MEP1A: variants seen among roughly 807,000 people sequenced by gnomAD.
The protein encoded by MEP1A is meprin A subunit alpha.
In MEP1A, 68 loss-of-function variants were observed where a neutral mutation model predicts 84.5. That is an observed-to-expected ratio of 0.80 (90% CI 0.66 to 0.98). MEP1A has a LOEUF of 0.98. MEP1A is among the 50% of genes least tolerant of loss of function. The pLI, the probability that MEP1A is intolerant of heterozygous loss-of-function variation, is 0.00. For synonymous variants in MEP1A, 337 were observed against 336.8 expected (o/e 1.00, Z -0.01); for missense variants, 887 against 919.9 (o/e 0.96, Z 0.46).
At chr6:46,828,372 A>C (rs1038026127) in intron 9 of MEP1A, among the ~76,000 whole-genome samples, 1 of 152,018 alleles carries the variant, frequency 6.6e-6, no homozygotes, top group African/African-American at 2.4e-5. Flanking sequence ...TTGATATTTT[A>C]AGCTTGGTGG....
At chr6:46,797,778 TTCTTTCTTTCTTTC>T (rs1231869922) in intron 3 of MEP1A, among the ~76,000 whole-genome samples, 2 of 134,632 alleles carry the variant, frequency 1.5e-5, no homozygotes, top group East Asian at 2.1e-4. Flanking sequence ...TTCTTTTTCT[TTCTTTCTTTCTTTC>T]TCTTTCTTTC....
chr6:46,836,765 TG>T (rs2150758621), intron 13 of MEP1A, among the ~76,000 whole-genome samples: 1 of 151,710 alleles, frequency 6.6e-6, no homozygotes, highest in Non-Finnish European at 1.5e-5. Flanking sequence ...TTCATTACCT[TG>T]ACACTTTCGA....
chr6:46,797,708 G>A (rs2150738945), intron 3 of MEP1A, among the ~76,000 whole-genome samples: 1 of 152,216 alleles, frequency 6.6e-6, no homozygotes. Context: ...TGATTACATA[G>A]TACATCACTT....
intron 5 of MEP1A, among the ~76,000 whole-genome samples, chr6:46,807,004 G>A (rs753543269): frequency 2.2e-4 from 33 of 151,752 alleles, no homozygotes; most frequent in Non-Finnish European, 3.5e-4. Flanking sequence ...ATTTTTTCAA[G>A]TTTACAACTG....
intron 9 of MEP1A, among the ~76,000 whole-genome samples, chr6:46,827,858 G>A (rs1055617737): frequency 7.9e-5 from 12 of 152,266 alleles, no homozygotes; most frequent in South Asian, 6.2e-4. Flanking sequence ...TATTGTGAGC[G>A]GAATCTGCTG....
chr6:46,793,615 C>A (rs1443050276), intron 2 of MEP1A, 39 bp downstream of exon 2: 1 of 1,575,590 alleles, frequency 6.3e-7, no homozygotes, highest in Non-Finnish European at 8.7e-7. Flanking sequence ...TGTTTTTGAA[C>A]TTTTTTCCTT....
Position 46,839,267 on chromosome 6 carries a change from T to C in MEP1A, c.*131T>C, listed in dbSNP as rs983337693. ...CCAAGGACTAAGGCCTCCAGCCCCA[T>C]GTGTGACCCTTGTCATCTCTCTGCC... On this transcript the variant is annotated 3_prime_UTR_variant, in exon 14 of 14. Coordinates refer to ENST00000230588, the MANE Select transcript of MEP1A (RefSeq NM_005588.3). 3 of 644,168 alleles carry C rather than the reference T, an allele frequency of 4.7e-6. No homozygotes were observed. In the South Asian group the frequency reaches 7.0e-5, roughly 15 times the overall value. The allele number at this position is 644,168 out of a possible 1,614,324, so 39.9% of individuals were successfully genotyped here. A position where few individuals can be genotyped will look rare whatever the true frequency, so the allele number is the denominator to read the frequency against.
At chr6:46,820,346 G>T (rs140575060) in intron 7 of MEP1A, among the ~76,000 whole-genome samples, 1 of 152,140 alleles carries the variant, frequency 6.6e-6, no homozygotes, top group East Asian at 1.9e-4. Flanking sequence ...TTTGTCTTAC[G>T]TATTATTCCG....
intron 13 of MEP1A, 21 bp from the exon 14 acceptor site, chr6:46,838,959 C>T (rs1335134053): frequency 3.1e-6 from 5 of 1,605,310 alleles, no homozygotes; most frequent in Non-Finnish European, 4.3e-6. Context: ...CCCACACTCC[C>T]TTCATGTCCT....
intron 3 of MEP1A, among the ~76,000 whole-genome samples, chr6:46,797,792 C>CTCTTCCTTTCTT (rs1767080905): frequency 7.3e-6 from 1 of 136,690 alleles, no homozygotes; most frequent in Non-Finnish European, 1.5e-5. Flanking sequence ...TTCTTTCTTT[C>CTCTTCCTTTCTT]TCTTTCTTTC....
At chr6:46,823,476 G>A (rs1195440606) in intron 7 of MEP1A, among the ~76,000 whole-genome samples, 3 of 152,190 alleles carry the variant, frequency 2.0e-5, no homozygotes, top group African/African-American at 4.8e-5. Context: ...GCCAGGCGTG[G>A]TGCCACGTGC....
chr6:46,805,924 A>G (rs1767306990), intron 5 of MEP1A, among the ~76,000 whole-genome samples: 1 of 151,924 alleles, frequency 6.6e-6, no homozygotes, highest in East Asian at 1.9e-4. Flanking sequence ...TTTTTTTCCC[A>G]TTGGTCACTA....
chr6:46,807,559 A>G (rs1393896643), intron 5 of MEP1A, among the ~76,000 whole-genome samples: 2 of 68,116 alleles, frequency 2.9e-5, no homozygotes, highest in African/African-American at 1.6e-4. Flanking sequence ...AAAGAAAGAA[A>G]GAAAGAAAGG....
downstream of MEP1A, among the ~76,000 whole-genome samples, chr6:46,840,161 A>T (rs1216023861): frequency 2.6e-5 from 4 of 152,140 alleles, no homozygotes; most frequent in Non-Finnish European, 4.4e-5. Context: ...CTAAGTAGAG[A>T]CTTTATGACA....
At position 46,826,463 on chromosome 6, in the gene MEP1A, G is replaced by A. The variant is rs377580663; in HGVS notation, c.888G>A (p.Gln296=). Residue 296 remains glutamine (Q), a synonymous_variant, in exon 9 of 14, where the codon CAG becomes CAA. Coordinates refer to ENST00000230588, the MANE Select transcript of MEP1A (RefSeq NM_005588.3). ...ACTGGGCCCATCAGGACAGTGCTCA[G>A]GCTGGAGAAGTGGATCACACCTTGT... ...DTDWAHQDSA[Q]AGEVDHTLLG... is the part of the protein sequence containing the mutation. 35 of 1,599,154 alleles carry A rather than the reference G, an allele frequency of 2.2e-5. No homozygotes were observed. Among genetic ancestry groups the A allele is most frequent in the Admixed American group, 6.9e-5 (4 of 58,184 alleles).
At chr6:46,810,309 G>A (rs1211481822) in intron 6 of MEP1A, among the ~76,000 whole-genome samples, 1 of 151,744 alleles carries the variant, frequency 6.6e-6, no homozygotes, top group African/African-American at 2.4e-5. Flanking sequence ...ATTTTTGATG[G>A]GATTGTTTGT....
rs189798381 is a variant in MEP1A, at chr6:46,825,789, A to G, written c.778+296A>G. ...ACCAATTATGTAGTTATGTTTTATA[A>G]AGTCAAAGTACTGGACAAACGTAAG... On this transcript the variant is annotated intron_variant, in intron 8 of 13. Coordinates refer to ENST00000230588, the MANE Select transcript of MEP1A (RefSeq NM_005588.3). Among the ~76,000 whole-genome samples, 250 of 152,310 alleles carry G rather than the reference A, an allele frequency of 1.6e-3. 1 individual carries two copies. Among genetic ancestry groups the G allele is most frequent in the Non-Finnish European group, 2.8e-3 (190 of 68,026 alleles).
intron 7 of MEP1A, among the ~76,000 whole-genome samples, chr6:46,824,277 G>A (rs555182619): frequency 2.9e-4 from 44 of 151,748 alleles, no homozygotes; most frequent in Non-Finnish European, 6.0e-4. Context: ...CACACACCCA[G>A]ATACACACGT....
intron 5 of MEP1A, among the ~76,000 whole-genome samples, chr6:46,803,293 C>A (rs574353843): frequency 6.6e-6 from 1 of 151,098 alleles, no homozygotes; most frequent in East Asian, 1.9e-4. Context: ...TTGTATTTTT[C>A]AGTAATAAAA....
Sources: gnomAD v4.1 joint callset for allele counts (sites outside exome capture counted in the v4.1 genomes callset) on GRCh38, gnomAD v4.1.1 for gene constraint, MANE v1.5 for transcripts, NCBI Gene and HGNC (gene_info 2026-07-23, HGNC 2026-07-21) for gene names.